The following RAP1A variants were observed in gnomAD, a reference collection of about 807,000 sequenced individuals.
RAP1A encodes the protein RAP1A, member of RAS oncogene family.
A neutral mutation model predicts 26.4 loss-of-function variants in RAP1A; 6 were observed. The observed-to-expected ratio is 0.23, with a 90% CI of 0.12 to 0.45. The LOEUF is 0.45. Ranked by LOEUF, RAP1A falls within the 20% of genes least tolerant of loss-of-function variation. The pLI, the probability that RAP1A is intolerant of heterozygous loss-of-function variation, is 0.99. For missense variants in RAP1A, 121 were observed against 217.2 expected (o/e 0.56, Z 2.78); for synonymous variants, 73 against 79.4 (o/e 0.92, Z 0.43).
At chr1:111,559,849 T>C (rs1336647837) in intron 1 of RAP1A, among the ~76,000 whole-genome samples, 1 of 152,184 alleles carries the variant, frequency 6.6e-6, no homozygotes, top group Non-Finnish European at 1.5e-5. Context: ...TGAGTGTTAC[T>C]GTGAAATCAA....
At chr1:111,688,075 C>T (rs1464254124) in intron 1 of RAP1A, among the ~76,000 whole-genome samples, 2 of 132,064 alleles carry the variant, frequency 1.5e-5, no homozygotes, top group Admixed American at 1.6e-4. Context: ...TAAATGTATG[C>T]TGGTGAACTT....
chr1:111,557,480 G>A (rs953216543), intron 1 of RAP1A, among the ~76,000 whole-genome samples: 3 of 151,290 alleles, frequency 2.0e-5, no homozygotes, highest in African/African-American at 7.3e-5. Context: ...AACCCAGGAG[G>A]AGGAGGTTGC....
At chr1:111,652,853 A>G (rs11807778) in intron 1 of RAP1A, among the ~76,000 whole-genome samples, 3,611 of 152,276 alleles carry the variant, frequency 0.024, 123 homozygotes, top group African/African-American at 0.084. Flanking sequence ...GATGCAATGA[A>G]AAAGAATAAA....
intron 1 of RAP1A, among the ~76,000 whole-genome samples, chr1:111,565,502 T>C (rs1657898505): frequency 6.6e-6 from 1 of 152,206 alleles, no homozygotes; most frequent in African/African-American, 2.4e-5. Context: ...ATTCCTGTAG[T>C]AACATATGGA....
chr1:111,584,534 C>T (rs1000137338), intron 1 of RAP1A, among the ~76,000 whole-genome samples: 9 of 152,042 alleles, frequency 5.9e-5, no homozygotes, highest in Non-Finnish European at 1.2e-4. Flanking sequence ...TCAGGTGGAG[C>T]CCTCATGAGT....
chr1:111,610,462 T>C (rs1166482604), intron 1 of RAP1A, among the ~76,000 whole-genome samples: 1 of 151,874 alleles, frequency 6.6e-6, no homozygotes, highest in African/African-American at 2.4e-5. Context: ...GCTTAACTAG[T>C]TACTGAAAGA....
upstream of RAP1A, chr1:111,619,676 A>C (rs1659103056): frequency 7.7e-6 from 3 of 391,692 alleles, no homozygotes; most frequent in Non-Finnish European, 1.4e-5. Flanking sequence ...GGACTCCGGA[A>C]CGCCGTGGGG....
chr1:111,579,667 C>G (rs917431511), intron 1 of RAP1A, among the ~76,000 whole-genome samples: 27 of 152,196 alleles, frequency 1.8e-4, no homozygotes, highest in Admixed American at 4.6e-4. Context: ...ACACACCTAA[C>G]CTACCGAACA....
intron 1 of RAP1A, among the ~76,000 whole-genome samples, chr1:111,547,810 G>C (rs1657090855): frequency 6.6e-6 from 1 of 152,194 alleles, no homozygotes; most frequent in South Asian, 2.1e-4. Flanking sequence ...GGTGGAGAAA[G>C]ACTCTCTGGT....
chr1:111,610,904 C>T (rs1394369455), intron 1 of RAP1A, among the ~76,000 whole-genome samples: 1 of 152,194 alleles, frequency 6.6e-6, no homozygotes, highest in Non-Finnish European at 1.5e-5. Context: ...GTAGTATTCC[C>T]ATTTTATAAA....
intron 1 of RAP1A, among the ~76,000 whole-genome samples, chr1:111,607,163 C>T (rs575476621): frequency 0.01 from 1,549 of 151,210 alleles, 17 homozygotes; most frequent in African/African-American, 0.036. Context: ...GCAGAGGACC[C>T]TGCGGCCTTC....
At chr1:111,655,277 A>C (rs897084176) in intron 1 of RAP1A, among the ~76,000 whole-genome samples, 10 of 146,532 alleles carry the variant, frequency 6.8e-5, no homozygotes, top group Non-Finnish European at 1.2e-4. Flanking sequence ...AAAAAAAAAA[A>C]CAACAGAAAT....
At chr1:111,699,485 A>C (rs1322173490) in intron 4 of RAP1A, among the ~76,000 whole-genome samples, 1 of 97,568 alleles carries the variant, frequency 1.0e-5, no homozygotes, top group African/African-American at 4.0e-5. Flanking sequence ...TTTTTGAAAC[A>C]GGGTCTCTCT....
At chr1:111,566,986 G>A (rs1003229145) in intron 1 of RAP1A, among the ~76,000 whole-genome samples, 4 of 151,582 alleles carry the variant, frequency 2.6e-5, no homozygotes, top group Non-Finnish European at 5.9e-5. Context: ...TGACACTTAA[G>A]CTTCATTAGC....
intron 1 of RAP1A, among the ~76,000 whole-genome samples, chr1:111,679,994 G>A (rs1157839565): frequency 1.3e-5 from 2 of 152,204 alleles, no homozygotes; most frequent in African/African-American, 4.8e-5. Flanking sequence ...CTGCCTGCCA[G>A]CTTTGAAGAG....
chr1:111,708,326 G>GACAGTATCTCTTTTGTCCTATTTTAGACA, intron 6 of RAP1A, among the ~76,000 whole-genome samples: 1 of 152,324 alleles, frequency 6.6e-6, no homozygotes, highest in Non-Finnish European at 1.5e-5. Context: ...TTGAAAGGGA[G>GACAGTATCTCTTTTGTCCTATTTTAGACA]ACAGTATCTC....
rs568548202 is a variant in RAP1A, at chr1:111,651,166, T to A, written c.-28+31232T>A. 1.8e-3 allele frequency among the ~76,000 whole-genome samples: 278 copies of A among 152,308 alleles called. 2 individuals are homozygous for A. The highest frequency in any genetic ancestry group is 6.5e-3 in the African/African-American group (269 of 41,578). The stretch of plus-strand genomic sequence containing the variant: ...AAGTCTTCTGTGTTCCTGTCTTGTT[T>A]GTTTGCTTGTTTTGGCTATATATAA... On this transcript the variant is annotated intron_variant, in intron 1 of 7. Transcript: ENST00000369709.
chr1:111,637,342 CATT>C (rs1464213021), intron 1 of RAP1A, among the ~76,000 whole-genome samples: 2 of 152,150 alleles, frequency 1.3e-5, no homozygotes, highest in African/African-American at 2.4e-5. Context: ...ACCAATTAGA[CATT>C]ATTTCTCAGC....
chr1:111,569,510 T>A (rs926897479), intron 1 of RAP1A, among the ~76,000 whole-genome samples: 8 of 152,082 alleles, frequency 5.3e-5, no homozygotes, highest in African/African-American at 1.9e-4. Flanking sequence ...CTAGCTCAGC[T>A]GCTGTACTGG....
Sources: gnomAD v4.1 joint callset for allele counts (sites outside exome capture counted in the v4.1 genomes callset) on GRCh38, gnomAD v4.1.1 for gene constraint, MANE v1.5 for transcripts, NCBI Gene and HGNC (gene_info 2026-07-23, HGNC 2026-07-21) for gene names.